The following SYK variants were observed in gnomAD, a reference collection of about 807,000 sequenced individuals.
The protein encoded by SYK is spleen associated tyrosine kinase, also known as tyrosine-protein kinase SYK.
SYK carries 16 observed loss-of-function variants against 77.8 expected under a neutral mutation model. The observed-to-expected ratio is 0.21, with a 90% confidence interval of 0.14 to 0.31. The LOEUF is 0.31. Among genes scored for constraint, SYK ranks in the 10% least tolerant of loss-of-function variants. The pLI is 1.00. For missense variants in SYK, 529 were observed against 814.4 expected, an observed-to-expected ratio of 0.65 and a Z score of 4.26; for synonymous variants, 312 against 308.7, an observed-to-expected ratio of 1.01 and a Z score of -0.11.
At chr9:90,824,928 T>C (rs1195585816) in intron 1 of SYK, among the ~76,000 whole-genome samples, 3 of 152,056 alleles carry the variant, frequency 2.0e-5, no homozygotes, top group Admixed American at 1.3e-4. Flanking sequence ...ATAAGACATC[T>C]TTTTTCACAG....
chr9:90,855,452 C>G (rs1826990918), intron 3 of SYK, among the ~76,000 whole-genome samples: 1 of 152,176 alleles, frequency 6.6e-6, no homozygotes, highest in Admixed American at 6.5e-5. Context: ...TGGACGAGGG[C>G]TGTATGGCTC....
At chr9:90,844,643 C>T (rs1170280865) in intron 2 of SYK, among the ~76,000 whole-genome samples, 1 of 152,204 alleles carries the variant, frequency 6.6e-6, no homozygotes, top group Non-Finnish European at 1.5e-5. Flanking sequence ...CAAGGTCCTA[C>T]CATACACACT....
intron 1 of SYK, among the ~76,000 whole-genome samples, chr9:90,818,151 G>A (rs1051963880): frequency 5.9e-5 from 9 of 152,128 alleles, no homozygotes; most frequent in African/African-American, 1.7e-4. Flanking sequence ...GCTCAGGATC[G>A]GGGTGCCCAC....
chr9:90,835,340 C>T (rs1036787832), intron 1 of SYK, among the ~76,000 whole-genome samples: 2 of 152,242 alleles, frequency 1.3e-5, no homozygotes, highest in Non-Finnish European at 2.9e-5. Flanking sequence ...CCCATAGCTG[C>T]ATTCATGGAC....
intron 7 of SYK, among the ~76,000 whole-genome samples, chr9:90,870,884 C>A (rs7855064): frequency 0.16 from 24,592 of 152,148 alleles, 2,322 homozygotes; most frequent in East Asian, 0.4. Flanking sequence ...GCCCAAGAAT[C>A]TGGGAGTAAA....
rs559819343 is a variant in SYK at position 90,877,541 on chromosome 9, G to T, written c.1182-30G>T. The T allele has an allele frequency of 2.3e-5, 37 of 1,612,648 alleles. No homozygotes were observed. In the African/African-American group the frequency reaches 4.8e-4, roughly 21 times the overall value. ...ATCTAGAAGTGAGGCATTTTGGAAAGTTTCTTGTGTGTTATGATTTCTCTT... is the reference window on the plus strand; with the variant it reads ...ATCTAGAAGTGAGGCATTTTGGAAATTTTCTTGTGTGTTATGATTTCTCTT... On this transcript the variant is annotated intron_variant, in intron 9 of 13. Coordinates refer to ENST00000375754, the MANE Select transcript of SYK (RefSeq NM_003177.7).
intron 7 of SYK, among the ~76,000 whole-genome samples, chr9:90,867,832 G>T (rs72729069): frequency 1.9e-3 from 291 of 152,214 alleles, no homozygotes; most frequent in Non-Finnish European, 3.1e-3. Flanking sequence ...ATAAAAATAA[G>T]TTCTTTTTCA....
rs776140226 is a variant in SYK at position 90,895,637 on chromosome 9, A to G, written c.*37A>G. The G allele has an allele frequency of 1.3e-6, 2 of 1,580,884 alleles. No individual in the cohort carries two copies. The highest frequency in any genetic ancestry group is 2.7e-5 in the African/African-American group (2 of 74,256). On this transcript the variant is annotated 3_prime_UTR_variant, in exon 14 of 14. Transcript: ENST00000375754. The surrounding 1 kb of genome is among the most constrained non-coding windows in gnomAD (Gnocchi z 4.4). ...CCTGTCGGTGGCTGCCTTTGATCAC[A>G]GGAGCAATCACAGGAAAATGTATCC...
chr9:90,895,474 C>A lies in SYK; in HGVS notation c.1836-54C>A. ...AGCCTGCAGAGGCCCTGCTTGTGAT[C>A]AGCAATTTTTCACAAGCACATTGAC... On this transcript the variant is annotated intron_variant, in intron 13 of 13. Transcript: ENST00000375754. This position sits in a 1 kb window ranked among gnomAD's most constrained non-coding sequence, Gnocchi z 4.4. The A allele has an allele frequency of 6.3e-7, 1 of 1,586,814 alleles. No homozygotes were observed. Among genetic ancestry groups the A allele is most frequent in the South Asian group, 1.1e-5 (1 of 90,364 alleles).
intron 1 of SYK, among the ~76,000 whole-genome samples, chr9:90,827,186 T>C (rs1306217258): frequency 2.6e-5 from 4 of 152,130 alleles, no homozygotes; most frequent in African/African-American, 9.7e-5. Flanking sequence ...GGAAAGGGCA[T>C]TTCCAGGCTG....
At chr9:90,801,784 A>C (rs1826739369), upstream of SYK, 2 of 152,100 alleles carry the variant, frequency 1.3e-5, no homozygotes, top group Admixed American at 1.3e-4. Flanking sequence ...AGTTGCCCAA[A>C]ATGAGGAAGA....
Position 90,844,227 on chromosome 9 carries a change from C to T in SYK, c.329C>T (p.Pro110Leu), listed in dbSNP as rs375028044. 6 of 1,614,086 alleles carry T rather than the reference C, an allele frequency of 3.7e-6. No homozygotes were observed. The African/African-American group carries it at 8.0e-5, about 22-fold the overall frequency. Reference sequence around the variant, plus strand: ...CTCCTCAAGAAGCCCTTCAACCGGCCCCAAGGGGTGCAGCCCAAGACTGGG... The same window carrying T: ...CTCCTCAAGAAGCCCTTCAACCGGCTCCAAGGGGTGCAGCCCAAGACTGGG... ...VCLLKKPFNR[P>L]QGVQPKTGPF... Residue 110 changes from proline (P) to leucine (L), a missense_variant, in exon 2 of 14, where the codon CCC becomes CTC. Around this residue, in one of 2 missense-constraint regions of SYK, gnomAD observed 321 missense variants for 433.1 expected, o/e 0.74. Transcript: ENST00000375754.
intron 1 of SYK, among the ~76,000 whole-genome samples, chr9:90,812,911 A>G (rs1825147386): frequency 6.6e-6 from 1 of 152,174 alleles, no homozygotes; most frequent in African/African-American, 2.4e-5. Context: ...TGAGAATGTC[A>G]GTGCATTCTC....
chr9:90,871,706 G>A (rs895754889), intron 7 of SYK, among the ~76,000 whole-genome samples: 1 of 152,154 alleles, frequency 6.6e-6, no homozygotes, highest in East Asian at 1.9e-4. Flanking sequence ...TCCAGTTGTG[G>A]CATCATTCTT....
rs115043660 is a variant in SYK, at chr9:90,884,143, A to G, written c.1582-3606A>G. 5.1e-3 allele frequency among the ~76,000 whole-genome samples: 568 copies of G among 111,948 alleles called. 5 individuals carry two copies. Among genetic ancestry groups the G allele is most frequent in the African/African-American group, 0.018 (529 of 29,088 alleles). 73.4% of individuals were successfully genotyped at this position (111,948 alleles called of 152,430 possible). A position where few individuals can be genotyped will look rare whatever the true frequency, so the allele number is the denominator to read the frequency against. The stretch of plus-strand genomic sequence containing the variant: ...AACCCAAAGTGCCCTACATATATAT[A>G]TGTGTGTGTGTATATATACACACAT... On this transcript the variant is annotated intron_variant, in intron 11 of 13. Coordinates refer to ENST00000375754, the MANE Select transcript of SYK (RefSeq NM_003177.7).
At chr9:90,841,242 G>A (rs1826309728) in intron 1 of SYK, among the ~76,000 whole-genome samples, 1 of 151,888 alleles carries the variant, frequency 6.6e-6, no homozygotes, top group African/African-American at 2.4e-5. Flanking sequence ...TGTAGTTTGT[G>A]TGTGTGGTGT....
At chr9:90,840,474 C>CG (rs1029289021) in intron 1 of SYK, among the ~76,000 whole-genome samples, 2 of 150,836 alleles carry the variant, frequency 1.3e-5, no homozygotes. Context: ...CGTGAGCCAC[C>CG]GCGCCCGGCC....
At chr9:90,844,732 G>A (rs12237702) in intron 2 of SYK, among the ~76,000 whole-genome samples, 3,807 of 152,254 alleles carry the variant, frequency 0.025, 166 homozygotes, top group East Asian at 0.22. Flanking sequence ...TGCATCACCC[G>A]TTCTTTGGCT....
rs774905650 is a variant in SYK at position 90,862,357 on chromosome 9, C to G, written c.717+13C>G. 6.2e-7 allele frequency: 1 copy of G among 1,612,016 alleles called. No individual in the cohort carries two copies. The highest frequency in any genetic ancestry group is 1.7e-4 in the Middle Eastern group (1 of 6,052). ...CACGCTCTGGCAGGTACCCAGCCTC[C>G]TCTCCCCACCTTGTGGGTAGAGTAC... On this transcript the variant is annotated intron_variant, in intron 4 of 13. Coordinates refer to ENST00000375754, the MANE Select transcript of SYK (RefSeq NM_003177.7).
Sources: gnomAD v4.1 joint callset for allele counts (sites outside exome capture counted in the v4.1 genomes callset) on GRCh38, gnomAD v4.1.1 for gene constraint, gnomAD v4.1.1 regional missense constraint, Gnocchi (gnomAD v3.1) non-coding constraint, MANE v1.5 for transcripts, NCBI Gene and HGNC (gene_info 2026-07-23, HGNC 2026-07-21) for gene names.